Variants in SLC12A6 observed in about 807,000 individuals in gnomAD.
SLC12A6 encodes the protein K-Cl cotransporter 3.
A neutral mutation model predicts 135.3 loss-of-function variants in SLC12A6; 66 were observed. That is an observed-to-expected ratio of 0.49 (90% CI 0.40 to 0.60). SLC12A6 has a LOEUF of 0.60. Among genes scored for constraint, SLC12A6 ranks in the 20% least tolerant of loss-of-function variants. The pLI is 0.00. For missense variants in SLC12A6, 1,058 were observed against 1,452.3 expected (o/e 0.73, Z 4.41); for synonymous variants, 513 against 508.8 (o/e 1.01, Z -0.11).
intron 2 of SLC12A6, among the ~76,000 whole-genome samples, chr15:34,317,558 C>T (rs1265858730): frequency 1.3e-5 from 2 of 151,580 alleles, no homozygotes; most frequent in African/African-American, 2.4e-5. Flanking sequence ...CAAAAATTAG[C>T]CGGGCGTGGT....
intron 19 of SLC12A6, among the ~76,000 whole-genome samples, chr15:34,239,482 T>C (rs775790448): frequency 6.6e-6 from 1 of 152,202 alleles, no homozygotes; most frequent in Non-Finnish European, 1.5e-5. Flanking sequence ...CAACATTCTT[T>C]CTCAGTTGAC....
At chr15:34,320,896 A>G (rs28539755) in intron 2 of SLC12A6, among the ~76,000 whole-genome samples, 26,376 of 151,864 alleles carry the variant, frequency 0.17, 2,509 homozygotes, top group East Asian at 0.33. Context: ...GCGACAGAGC[A>G]AGACTCGTCT....
chr15:34,285,719 A>ATATATG (rs1895025100), intron 2 of SLC12A6, among the ~76,000 whole-genome samples: 1 of 592 alleles, frequency 1.7e-3, no homozygotes, highest in Non-Finnish European at 4.3e-3. Context: ...TGTGTTTGTC[A>ATATATG]TACATAAAAT....
chr15:34,318,723 C>T (rs1888832911), intron 2 of SLC12A6: 1 of 1,611,704 alleles, frequency 6.2e-7, no homozygotes, highest in Non-Finnish European at 8.5e-7. Context: ...TTTAAACTTC[C>T]TTCCAGTTAG....
rs1479115218 is a variant in SLC12A6, at chr15:34,233,670, T to A, written c.*211A>T. 4 of 562,578 alleles carry A rather than the reference T, an allele frequency of 7.1e-6. No individual in the cohort carries two copies. The highest frequency in any genetic ancestry group is 1.3e-5 in the Non-Finnish European group (4 of 310,178). The allele number at this position is 562,578 out of a possible 1,614,324, so 34.8% of individuals were successfully genotyped here. ...GAAAGACTTGAGCATTGTTCTGATG[T>A]TGAGGGAATATTTGCTTTTTCTGTA... On this transcript the variant is annotated 3_prime_UTR_variant, in exon 26 of 26. Transcript: ENST00000354181.
At chr15:34,262,338 A>G (rs1409935346) in intron 3 of SLC12A6, among the ~76,000 whole-genome samples, 1 of 152,100 alleles carries the variant, frequency 6.6e-6, no homozygotes, top group African/African-American at 2.4e-5. Flanking sequence ...CCCAGCCCCA[A>G]TGAGAGAGAC....
At chr15:34,276,787 GTT>G in intron 2 of SLC12A6, among the ~76,000 whole-genome samples, 1 of 151,936 alleles carries the variant, frequency 6.6e-6, no homozygotes, top group East Asian at 1.9e-4. Flanking sequence ...TCACATTATT[GTT>G]TTAGACAAAA....
chr15:34,317,035 GTAAA>G (rs1210890855), intron 2 of SLC12A6, among the ~76,000 whole-genome samples: 1 of 152,128 alleles, frequency 6.6e-6, no homozygotes, highest in Non-Finnish European at 1.5e-5. Flanking sequence ...TAAAAAATAA[GTAAA>G]TAAATAAATA....
chr15:34,239,195 T>G, intron 19 of SLC12A6, 35 bp from the exon 20 acceptor site: 1 of 1,466,212 alleles, frequency 6.8e-7, no homozygotes. Flanking sequence ...ACTGAACTGG[T>G]TCACTCTGGA....
In SLC12A6 at chr15:34,244,038, C is replaced by A; in HGVS notation, c.1978G>T (p.Ala660Ser). The stretch of plus-strand genomic sequence containing the variant: ...CGAAGTAATGTTTGCAAGGCACATG[C>A]CAAGTTTACAAAGAGGTAACACATG... Reference protein sequence around the residue: ...FLMCYLFVNLACALQTLLRTP... With the variant: ...FLMCYLFVNLSCALQTLLRTP... Residue 660 changes from alanine to serine, a missense_variant, in exon 16 of 26, where the codon GCA becomes TCA. Ala to Ser is a moderately conservative substitution (Grantham distance 99). Coordinates refer to ENST00000354181, the MANE Select transcript of SLC12A6 (RefSeq NM_001365088.1). 1 of 1,607,674 alleles carries A rather than the reference C, an allele frequency of 6.2e-7. No homozygotes were observed. The highest frequency in any genetic ancestry group is 1.1e-5 in the South Asian group (1 of 90,958).
At chr15:34,329,976 A>G (rs890424975) in intron 2 of SLC12A6, among the ~76,000 whole-genome samples, 3 of 152,214 alleles carry the variant, frequency 2.0e-5, no homozygotes, top group Admixed American at 6.5e-5. Flanking sequence ...TTTAACCTGT[A>G]AATACTTCAA....
At chr15:34,281,065 T>C (rs781118494) in intron 2 of SLC12A6, among the ~76,000 whole-genome samples, 36 of 152,058 alleles carry the variant, frequency 2.4e-4, no homozygotes, top group Admixed American at 1.2e-3. Flanking sequence ...GGCAGGGGGA[T>C]AGGAAGAGAT....
intron 13 of SLC12A6, among the ~76,000 whole-genome samples, chr15:34,249,642 T>C (rs1430794751): frequency 6.6e-6 from 1 of 152,156 alleles, no homozygotes; most frequent in African/African-American, 2.4e-5. Context: ...CAGGCTTTTA[T>C]TTAGAATGCC....
chr15:34,246,020 C>T (rs970507628), intron 13 of SLC12A6, among the ~76,000 whole-genome samples, 153 bp from the exon 14 acceptor site: 3 of 152,090 alleles, frequency 2.0e-5, no homozygotes, highest in Non-Finnish European at 2.9e-5. Context: ...CCAAACTCCG[C>T]CCCCCAAGTT....
intron 4 of SLC12A6, among the ~76,000 whole-genome samples, chr15:34,260,094 A>C (rs1893009738): frequency 6.6e-6 from 1 of 152,254 alleles, no homozygotes; most frequent in African/African-American, 2.4e-5. Flanking sequence ...TTTCACCATG[A>C]AAATGATAAG....
intron 2 of SLC12A6, among the ~76,000 whole-genome samples, chr15:34,328,573 T>C (rs1332098669): frequency 6.6e-6 from 1 of 152,152 alleles, no homozygotes; most frequent in Non-Finnish European, 1.5e-5. Flanking sequence ...AATGTAATTG[T>C]TGAGATTCTT....
At chr15:34,275,682 T>C (rs1179919840) in intron 2 of SLC12A6, among the ~76,000 whole-genome samples, 1 of 152,082 alleles carries the variant, frequency 6.6e-6, no homozygotes, top group African/African-American at 2.4e-5. Flanking sequence ...GACAAAATAA[T>C]TCACAATAGC....
chr15:34,266,891 A>G (rs1439115689), intron 3 of SLC12A6, among the ~76,000 whole-genome samples: 2 of 152,196 alleles, frequency 1.3e-5, no homozygotes, highest in Non-Finnish European at 2.9e-5. Flanking sequence ...TTCAACTGCC[A>G]AGTTTAGTCC....
At chr15:34,286,866 T>C (rs1895118676) in intron 2 of SLC12A6, among the ~76,000 whole-genome samples, 1 of 152,200 alleles carries the variant, frequency 6.6e-6, no homozygotes, top group South Asian at 2.1e-4. Flanking sequence ...ACTCATACTA[T>C]GCTTCAAAAG....
Sources: gnomAD v4.1 joint callset for allele counts (sites outside exome capture counted in the v4.1 genomes callset) on GRCh38, gnomAD v4.1.1 for gene constraint, MANE v1.5 for transcripts, NCBI Gene and HGNC (gene_info 2026-07-23, HGNC 2026-07-21) for gene names.